TMBIM6: variants seen among roughly 807,000 people sequenced by gnomAD.
TMBIM6 encodes transmembrane BAX inhibitor motif containing 6.
Under a neutral mutation model 31.4 loss-of-function variants are expected in TMBIM6, and 13 were observed. The ratio of observed to expected loss-of-function variants is 0.41; its 90% CI spans 0.27 to 0.66. The LOEUF (loss-of-function observed/expected upper bound fraction) is 0.66, where lower values mean the gene tolerates loss of function less well. Ranked by LOEUF, TMBIM6 falls within the 30% of genes least tolerant of loss-of-function variation. The pLI, the probability that TMBIM6 is intolerant of heterozygous loss-of-function variation, is 0.28. For synonymous variants in TMBIM6, 85 were observed against 101.7 expected (o/e 0.84, Z 0.99); for missense variants, 275 against 289.5 (o/e 0.95, Z 0.36).
At chr12:49,741,922 C>G (rs1945302110) in intron 1 of TMBIM6, 1 of 720,588 alleles carries the variant, frequency 1.4e-6, no homozygotes, top group Non-Finnish European at 2.2e-6. Context: ...CCCGCCTTTT[C>G]CTTTCTCCCG....
intron 7 of TMBIM6, 193 bp from the exon 8 acceptor site, chr12:49,759,028 C>T: frequency 3.2e-6 from 2 of 626,682 alleles, no homozygotes; most frequent in Non-Finnish European, 5.6e-6. Context: ...TGAAACTCTT[C>T]CAGTGACCAG....
intron 4 of TMBIM6, among the ~76,000 whole-genome samples, chr12:49,757,655 C>T (rs890834010): frequency 6.6e-6 from 1 of 152,120 alleles, no homozygotes; most frequent in African/African-American, 2.4e-5. Flanking sequence ...AAAATTTTTG[C>T]ATCAGGGCAA....
chr12:49,745,309 TA>T (rs1161574239), intron 1 of TMBIM6, among the ~76,000 whole-genome samples: 1 of 152,190 alleles, frequency 6.6e-6, no homozygotes, highest in African/African-American at 2.4e-5. Context: ...AGAGATAGTA[TA>T]AATGTGCTAG....
At chr12:49,742,514 A>G (rs773794048) in intron 1 of TMBIM6, 3 of 443,040 alleles carry the variant, frequency 6.8e-6, no homozygotes, top group Admixed American at 4.1e-5. Context: ...AAAAATCACT[A>G]TGAACTTGAG....
At chr12:49,742,157 A>T (rs925244828) in intron 1 of TMBIM6, 1 of 1,612,676 alleles carries the variant, frequency 6.2e-7, no homozygotes, top group Non-Finnish European at 8.5e-7. Context: ...CCTCTGTGAC[A>T]CGCGAGGCTC....
intron 1 of TMBIM6, chr12:49,743,608 C>T (rs988563551): frequency 6.6e-6 from 1 of 152,108 alleles, no homozygotes; most frequent in Non-Finnish European, 1.5e-5. Flanking sequence ...GTTATTTTCC[C>T]TGATTATAGA....
intron 8 of TMBIM6, among the ~76,000 whole-genome samples, chr12:49,760,843 A>C (rs1359877252): frequency 3.5e-5 from 5 of 143,148 alleles, no homozygotes; most frequent in Admixed American, 6.9e-5. Flanking sequence ...TGCCCAGCTC[A>C]CTTTTTTTTT....
intron 1 of TMBIM6, chr12:49,743,452 C>G (rs1286287236): frequency 1.3e-5 from 2 of 152,006 alleles, no homozygotes. Flanking sequence ...CCAGCCTGGT[C>G]TCGAACTCCA....
chr12:49,756,440 CTTTTT>C (rs1194535783), intron 4 of TMBIM6, among the ~76,000 whole-genome samples: 38 of 105,812 alleles, frequency 3.6e-4, no homozygotes, highest in African/African-American at 1.3e-3. Context: ...TGCCTCCTGG[CTTTTT>C]TTTTTTTTTT....
chr12:49,758,411 G>A lies in TMBIM6; in HGVS notation c.364G>A (p.Ala122Thr). The change falls in exon 6 of 10, where the codon GCA becomes ACA. Residue 122 changes from alanine (A) to threonine (T), a missense_variant. By Grantham distance (58) the Ala-to-Thr change is moderately conservative (BLOSUM62 0). Transcript: ENST00000267115. ...CCTTCCCACTGCTTTCATGGGCACG[G>A]CAATGATCTTTACCTGCTTCACCCT... is the stretch of plus-strand genomic sequence containing the variant. ...SILPTAFMGT[A>T]MIFTCFTLSA... The A allele has an allele frequency of 6.2e-7, 1 of 1,614,170 alleles. No individual in the cohort carries two copies. Among genetic ancestry groups the A allele is most frequent in the Non-Finnish European group, 8.5e-7 (1 of 1,180,038 alleles).
At chr12:49,761,839 T>A in intron 9 of TMBIM6, 60 bp downstream of exon 9, 1 of 1,552,928 alleles carries the variant, frequency 6.4e-7, no homozygotes, top group Non-Finnish European at 8.9e-7. Context: ...GGCATGTGTG[T>A]ATACTTCAGA....
At chr12:49,748,187 C>A (rs1355620578) in intron 1 of TMBIM6, among the ~76,000 whole-genome samples, 2 of 152,164 alleles carry the variant, frequency 1.3e-5, no homozygotes, top group African/African-American at 2.4e-5. Flanking sequence ...CAGGCGTGAG[C>A]CACCGCACCC....
chr12:49,742,164 G>A (rs777329151), intron 1 of TMBIM6: 2 of 1,613,094 alleles, frequency 1.2e-6, no homozygotes, highest in Admixed American at 1.7e-5. Flanking sequence ...GACACGCGAG[G>A]CTCCTCAGTT....
intron 1 of TMBIM6, among the ~76,000 whole-genome samples, chr12:49,743,880 ATGTT>A (rs112649105): frequency 0.089 from 13,521 of 152,130 alleles, 1,108 homozygotes; most frequent in African/African-American, 0.22. Context: ...ATCAATACTA[ATGTT>A]TGTTTTAGTA....
intron 7 of TMBIM6, 67 bp from the exon 8 acceptor site, chr12:49,759,154 A>G: frequency 5.9e-6 from 8 of 1,355,998 alleles, no homozygotes; most frequent in Non-Finnish European, 8.4e-6. Context: ...TGAGCCAGAA[A>G]GTATGGCTGG....
intron 8 of TMBIM6, among the ~76,000 whole-genome samples, chr12:49,760,996 T>C (rs1012537885): frequency 2.6e-5 from 4 of 152,006 alleles, no homozygotes; most frequent in African/African-American, 9.7e-5. Flanking sequence ...TGCACCACCA[T>C]GCCCGGCTAA....
intron 4 of TMBIM6, 61 bp from the exon 5 acceptor site, chr12:49,758,166 G>T: frequency 1.3e-6 from 2 of 1,595,140 alleles, no homozygotes; most frequent in South Asian, 2.2e-5. Context: ...ATCAGCTTTT[G>T]GATGAGGATC....
At chr12:49,746,905 G>A (rs1178972161) in intron 1 of TMBIM6, among the ~76,000 whole-genome samples, 2 of 151,954 alleles carry the variant, frequency 1.3e-5, no homozygotes, top group African/African-American at 4.8e-5. Context: ...GCGCAATCTC[G>A]GCTCACTGCA....
At chr12:49,747,914 A>AT (rs201167794) in intron 1 of TMBIM6, among the ~76,000 whole-genome samples, 6 of 151,726 alleles carry the variant, frequency 4.0e-5, no homozygotes, top group Non-Finnish European at 8.8e-5. Context: ...TAATTTTTAA[A>AT]TTTTTTTTAC....
Sources: allele counts gnomAD v4.1 joint callset (sites outside exome capture counted in the v4.1 genomes callset), GRCh38; gene constraint gnomAD v4.1.1; transcripts MANE v1.5; gene names NCBI Gene and HGNC (gene_info 2026-07-23, HGNC 2026-07-21).